RAI14: variants seen among roughly 807,000 people sequenced by gnomAD.
The protein encoded by RAI14 is ankycorbin.
Under a neutral mutation model 115.4 loss-of-function variants are expected in RAI14, and 45 were observed. The observed-to-expected ratio is 0.39, with a 90% confidence interval of 0.31 to 0.50. RAI14 has a LOEUF of 0.50. Among genes scored for constraint, RAI14 ranks in the 20% least tolerant of loss-of-function variants. The pLI is 0.85. For synonymous variants in RAI14, 371 were observed against 415.4 expected (o/e 0.89, Z 1.30); for missense variants, 939 against 1,131.2 (o/e 0.83, Z 2.44).
chr5:34,815,343 T>C (rs1756095456), intron 12 of RAI14, among the ~76,000 whole-genome samples: 1 of 150,830 alleles, frequency 6.6e-6, no homozygotes, highest in Non-Finnish European at 1.5e-5. Flanking sequence ...ATCGCGCCAC[T>C]GCACTCTAGC....
chr5:34,687,829 G>A (rs778755401), intron 2 of RAI14: 8 of 1,360,608 alleles, frequency 5.9e-6, no homozygotes, highest in Non-Finnish European at 7.1e-6. Flanking sequence ...TGACAGCTTG[G>A]CACAGCTGCA....
chr5:34,751,467 A>G (rs1747013107), intron 2 of RAI14, among the ~76,000 whole-genome samples: 1 of 152,172 alleles, frequency 6.6e-6, no homozygotes, highest in African/African-American at 2.4e-5. Flanking sequence ...CTGTATATAC[A>G]TCCCTAAACA....
intron 1 of RAI14, chr5:34,656,870 G>C (rs1396733910): frequency 6.6e-6 from 1 of 152,280 alleles, no homozygotes; most frequent in Non-Finnish European, 1.5e-5. Flanking sequence ...GTCTGCGCCG[G>C]GTCCCACCTG....
chr5:34,830,063 G>A (rs990476969), intron 17 of RAI14, among the ~76,000 whole-genome samples: 5 of 152,174 alleles, frequency 3.3e-5, no homozygotes, highest in Admixed American at 6.5e-5. Context: ...TCGCCTCACT[G>A]CAGCCTCGAC....
intron 12 of RAI14, among the ~76,000 whole-genome samples, chr5:34,816,113 C>T (rs965653500): frequency 2.0e-5 from 3 of 152,074 alleles, no homozygotes; most frequent in African/African-American, 2.4e-5. Context: ...ATTCGAAAAA[C>T]TGGCGCAATT....
intron 1 of RAI14, among the ~76,000 whole-genome samples, chr5:34,669,564 G>T (rs1030397252): frequency 1.3e-5 from 2 of 152,290 alleles, no homozygotes; most frequent in East Asian, 3.9e-4. Context: ...GTGGCAGGCC[G>T]CTGGCTGTGG....
intron 2 of RAI14, among the ~76,000 whole-genome samples, chr5:34,724,567 A>T (rs1047298678): frequency 6.6e-6 from 1 of 152,158 alleles, no homozygotes; most frequent in Non-Finnish European, 1.5e-5. Context: ...GTGGACCGAG[A>T]AATCCAAGCC....
chr5:34,690,126 T>C (rs745638200), intron 2 of RAI14, among the ~76,000 whole-genome samples: 16 of 152,328 alleles, frequency 1.1e-4, no homozygotes, highest in African/African-American at 3.4e-4. Flanking sequence ...TTTGAAGTTT[T>C]TGATACACGT....
intron 3 of RAI14, among the ~76,000 whole-genome samples, chr5:34,779,000 C>A (rs945400807): frequency 1.2e-4 from 18 of 151,920 alleles, no homozygotes; most frequent in Non-Finnish European, 1.6e-4. Context: ...CCGAATACAG[C>A]AACACATCAA....
At chr5:34,741,009 T>C (rs1018355963) in intron 2 of RAI14, among the ~76,000 whole-genome samples, 1 of 152,212 alleles carries the variant, frequency 6.6e-6, no homozygotes, top group African/African-American at 2.4e-5. Flanking sequence ...GTGTGTAGTA[T>C]TTTGATTATT....
Position 34,823,282 on chromosome 5 carries a change from C to T in RAI14, c.1440C>T (p.Asp480=), listed in dbSNP as rs766496848. 2.5e-6 allele frequency: 4 copies of T among 1,613,936 alleles called. No individual in the cohort carries two copies. ...NNTEISENSS[D]LSQKLKETQS... Reference sequence around the variant, plus strand: ...CTGAGATTTCAGAGAACAGCTCTGACCTCAGCCAGAAACTTAAAGAAACTC... The same window carrying T: ...CTGAGATTTCAGAGAACAGCTCTGATCTCAGCCAGAAACTTAAAGAAACTC... Residue 480 remains aspartate, a synonymous_variant, in exon 15 of 18, where the codon GAC becomes GAT. Transcript: ENST00000265109. This position sits in a 1 kb window ranked among gnomAD's most constrained non-coding sequence, Gnocchi z 4.5.
intron 5 of RAI14, among the ~76,000 whole-genome samples, chr5:34,804,746 G>A (rs1167853346): frequency 6.6e-6 from 1 of 152,166 alleles, no homozygotes; most frequent in Non-Finnish European, 1.5e-5. Context: ...GTTGTATTAT[G>A]AGGCTTCCCT....
intron 3 of RAI14, among the ~76,000 whole-genome samples, chr5:34,787,920 T>TTTTTTTTTTTTG (rs1752502479): frequency 9.6e-6 from 1 of 104,276 alleles, no homozygotes; most frequent in African/African-American, 4.0e-5. Flanking sequence ...TTTTTTTTTT[T>TTTTTTTTTTTTG]TTTTTTTTTT....
At chr5:34,704,493 A>G (rs1740443658) in intron 2 of RAI14, among the ~76,000 whole-genome samples, 1 of 152,214 alleles carries the variant, frequency 6.6e-6, no homozygotes, top group African/African-American at 2.4e-5. Flanking sequence ...TGTATACCCT[A>G]CTTAACTATC....
chr5:34,680,100 G>A (rs1025244609), intron 1 of RAI14, among the ~76,000 whole-genome samples: 48 of 152,102 alleles, frequency 3.2e-4, no homozygotes, highest in Admixed American at 8.5e-4. Flanking sequence ...TTTTCAAATC[G>A]GCTTAAAACT....
At chr5:34,723,993 G>A (rs1246137692) in intron 2 of RAI14, among the ~76,000 whole-genome samples, 1 of 152,012 alleles carries the variant, frequency 6.6e-6, no homozygotes, top group African/African-American at 2.4e-5. Context: ...ATGGCATAAA[G>A]CAGTATTTTA....
At position 34,823,218 on chromosome 5, in the gene RAI14, T is replaced by A; in HGVS notation, c.1376T>A (p.Leu459His). 6.2e-7 allele frequency: 1 copy of A among 1,614,074 alleles called. No individual in the cohort carries two copies. ...EAERKQLQVE[L>H]QSRRAELVCL... ...GAGAGAAAACAGCTACAGGTCGAACTCCAATCCCGAAGGGCAGAACTGGTA... is the reference window on the plus strand; with the variant it reads ...GAGAGAAAACAGCTACAGGTCGAACACCAATCCCGAAGGGCAGAACTGGTA... The change falls in exon 15 of 18, where the codon CTC becomes CAC. Residue 459 changes from leucine (L) to histidine (H), a missense_variant. By Grantham distance (99) the Leu-to-His change is moderately conservative (BLOSUM62 -3). Coordinates refer to ENST00000265109, the MANE Select transcript of RAI14 (RefSeq NM_015577.3). The surrounding 1 kb of genome is among the most constrained non-coding windows in gnomAD (Gnocchi z 4.5).
chr5:34,710,358 C>T (rs1249801211), intron 2 of RAI14, among the ~76,000 whole-genome samples: 2 of 152,102 alleles, frequency 1.3e-5, no homozygotes. Flanking sequence ...TGTATGTATC[C>T]GTCTTGGTGT....
At chr5:34,667,873 C>G (rs781165518) in intron 1 of RAI14, among the ~76,000 whole-genome samples, 1 of 152,116 alleles carries the variant, frequency 6.6e-6, no homozygotes, top group Non-Finnish European at 1.5e-5. Context: ...CTCACAGATT[C>G]CATGCTGAGG....
Sources: gnomAD v4.1 joint callset for allele counts (sites outside exome capture counted in the v4.1 genomes callset) on GRCh38, gnomAD v4.1.1 for gene constraint, Gnocchi (gnomAD v3.1) non-coding constraint, MANE v1.5 for transcripts, NCBI Gene and HGNC (gene_info 2026-07-23, HGNC 2026-07-21) for gene names.